SSH1: variants seen among roughly 807,000 people sequenced by gnomAD.
The protein encoded by SSH1 is slingshot protein phosphatase 1.
Under a neutral mutation model 79.7 loss-of-function variants are expected in SSH1, and 43 were observed. The observed-to-expected ratio is 0.54, with a 90% confidence interval of 0.42 to 0.70. The LOEUF (loss-of-function observed/expected upper bound fraction) is 0.70, where lower values mean the gene tolerates loss of function less well. SSH1 is among the 30% of genes least tolerant of loss of function. The pLI, the probability that SSH1 is intolerant of heterozygous loss-of-function variation, is 0.00. For synonymous variants in SSH1, 599 were observed against 538.3 expected (o/e 1.11, Z -1.56); for missense variants, 1,206 against 1,358.8 (o/e 0.89, Z 1.77).
intron 9 of SSH1, among the ~76,000 whole-genome samples, chr12:108,806,062 G>T (rs978232076): frequency 6.6e-6 from 1 of 152,086 alleles, no homozygotes; most frequent in African/African-American, 2.4e-5. Context: ...GCTCACAAAG[G>T]TCAAGAAATT....
chr12:108,853,458 T>A (rs541700752), intron 1 of SSH1: 8 of 578,126 alleles, frequency 1.4e-5, no homozygotes, highest in African/African-American at 2.0e-5. Context: ...GAGGCGCCCA[T>A]TGAATGGGAA....
At position 108,805,048 on chromosome 12, in the gene SSH1, C is replaced by A. The variant is rs1188421058; in HGVS notation, c.954+8G>T. The A allele has an allele frequency of 1.2e-6, 2 of 1,614,088 alleles. No homozygotes were observed. The highest frequency in any genetic ancestry group is 1.1e-5 in the South Asian group (1 of 91,078). On this transcript the variant is annotated splice_region_variant and intron_variant, in intron 10 of 14. Coordinates refer to ENST00000326495, the MANE Select transcript of SSH1 (RefSeq NM_018984.4). Reference sequence around the variant, plus strand: ...CAAACCAGATACTGCCAGGGCCATGCCTCTTACGAGATAAAGATGATCGAA... The same window carrying A: ...CAAACCAGATACTGCCAGGGCCATGACTCTTACGAGATAAAGATGATCGAA...
At chr12:108,815,043 G>A (rs1306072333) in intron 5 of SSH1, among the ~76,000 whole-genome samples, 3 of 152,236 alleles carry the variant, frequency 2.0e-5, no homozygotes, top group African/African-American at 7.2e-5. Flanking sequence ...CCCGGCACAG[G>A]GAAAGAGCTA....
chr12:108,796,242 T>C (rs1361765200), intron 13 of SSH1, among the ~76,000 whole-genome samples: 2 of 152,130 alleles, frequency 1.3e-5, no homozygotes, highest in Non-Finnish European at 2.9e-5. Flanking sequence ...TAAGTGTACA[T>C]TAAATACATT....
At chr12:108,811,046 A>G (rs1383356889) in intron 6 of SSH1, among the ~76,000 whole-genome samples, 1 of 152,074 alleles carries the variant, frequency 6.6e-6, no homozygotes, top group African/African-American at 2.4e-5. Flanking sequence ...AATCACTCCC[A>G]CTGATACTTC....
At chr12:108,814,949 C>G (rs1028053054) in intron 5 of SSH1, among the ~76,000 whole-genome samples, 2 of 152,210 alleles carry the variant, frequency 1.3e-5, no homozygotes, top group Non-Finnish European at 2.9e-5. Flanking sequence ...TAAGGCATGC[C>G]CGTGACTGCT....
intron 14 of SSH1, among the ~76,000 whole-genome samples, chr12:108,789,546 C>T (rs1204906799): frequency 2.6e-5 from 4 of 152,094 alleles, no homozygotes; most frequent in Non-Finnish European, 5.9e-5. Flanking sequence ...CCTCTGTGTC[C>T]CCACCCTTCA....
intron 13 of SSH1, among the ~76,000 whole-genome samples, chr12:108,796,122 G>A (rs1040162627): frequency 1.3e-5 from 2 of 152,086 alleles, no homozygotes; most frequent in African/African-American, 4.8e-5. Context: ...AACCTTGTTG[G>A]CCAGACTGGT....
intron 2 of SSH1, among the ~76,000 whole-genome samples, chr12:108,825,212 T>C (rs1276016195): frequency 6.6e-6 from 1 of 152,186 alleles, no homozygotes; most frequent in Non-Finnish European, 1.5e-5. Context: ...AGTCTTCTAA[T>C]TAAAGAGAAC....
chr12:108,804,652 C>A (rs973624086), intron 10 of SSH1, among the ~76,000 whole-genome samples: 2 of 152,202 alleles, frequency 1.3e-5, no homozygotes, highest in Non-Finnish European at 2.9e-5. Context: ...GATGCCTAGG[C>A]ATAATTCTGG....
chr12:108,826,654 G>A (rs2038321207), intron 2 of SSH1, among the ~76,000 whole-genome samples: 1 of 152,136 alleles, frequency 6.6e-6, no homozygotes. Context: ...CTCACTCTGG[G>A]CCCAGAGCCT....
rs538062883 is a variant in SSH1, at chr12:108,784,808, G to A, written c.*3180C>T. On this transcript the variant is annotated 3_prime_UTR_variant, in exon 15 of 15. Coordinates refer to ENST00000326495, the MANE Select transcript of SSH1 (RefSeq NM_018984.4). ...GTGAGGCAGAAGATAAGATTCAGCT[G>A]TTTTTTATAAAGAGTATCAAGCTGA... The A allele has an allele frequency of 6.6e-6, 1 of 152,312 alleles. No individual in the cohort carries two copies. The highest frequency in any genetic ancestry group is 2.1e-4 in the South Asian group (1 of 4,826). 9.4% of individuals were successfully genotyped at this position (152,312 alleles called of 1,614,324 possible). A position where few individuals can be genotyped will look rare whatever the true frequency, so the allele number is the denominator to read the frequency against.
chr12:108,857,420 G>A lies in SSH1; in HGVS notation c.69+8C>T, dbSNP rs2039167451. Reference sequence around the variant, plus strand: ...GCCCAGGCCGGGCGCGGCGAGCCCGGGGCTCACCTCGCTGTTGCTGGCCGA... The same window carrying A: ...GCCCAGGCCGGGCGCGGCGAGCCCGAGGCTCACCTCGCTGTTGCTGGCCGA... On this transcript the variant is annotated splice_region_variant and intron_variant, in intron 1 of 14. Transcript: ENST00000326495. The surrounding 1 kb of genome is among the most constrained non-coding windows in gnomAD (Gnocchi z 4.7). The A allele has an allele frequency of 5.5e-6, 6 of 1,083,012 alleles. No homozygotes were observed. The South Asian group carries it at 1.2e-4, about 21-fold the overall frequency. The allele number at this position is 1,083,012 out of a possible 1,614,324, so 67.1% of individuals were successfully genotyped here.
chr12:108,851,777 T>C (rs1159765180), intron 2 of SSH1, among the ~76,000 whole-genome samples: 1 of 152,140 alleles, frequency 6.6e-6, no homozygotes, highest in Non-Finnish European at 1.5e-5. Flanking sequence ...GGGGGTTGAG[T>C]ATCTGTTTCA....
chr12:108,800,378 T>C (rs1023866409), intron 12 of SSH1, among the ~76,000 whole-genome samples: 1 of 152,154 alleles, frequency 6.6e-6, no homozygotes, highest in African/African-American at 2.4e-5. Flanking sequence ...TAAGCCCGTG[T>C]CCGTGCATGT....
Position 108,792,659 on chromosome 12 carries a change from A to AGG in SSH1, c.1518_1519dup (p.Leu507ProfsTer63). 1 of 1,611,358 alleles carries AGG rather than the reference A, an allele frequency of 6.2e-7. No individual in the cohort carries two copies. The highest frequency in any genetic ancestry group is 2.2e-5 in the East Asian group (1 of 44,856). ...TGAGAGTCGCCGGAAACAGCAGGGG[A>AGG]GGGGGGGCCCTAAGCCGGGCTGGGC... On this transcript the variant is annotated frameshift_variant, in exon 14 of 15. Transcript: ENST00000326495. LOFTEE classifies it high-confidence loss of function.
chr12:108,793,937 G>C (rs1017349724), intron 13 of SSH1, among the ~76,000 whole-genome samples: 1 of 152,192 alleles, frequency 6.6e-6, no homozygotes, highest in South Asian at 2.1e-4. Flanking sequence ...GGCCTGGAGC[G>C]CCTGGCTTAG....
chr12:108,798,779 C>T (rs2036858812), intron 13 of SSH1, among the ~76,000 whole-genome samples: 1 of 152,222 alleles, frequency 6.6e-6, no homozygotes, highest in Admixed American at 6.5e-5. Flanking sequence ...ATGTGTGTGC[C>T]AAGAAAATCA....
rs1269210434 is a variant in SSH1, at chr12:108,782,556, T to C, written c.*5432A>G. 1.3e-5 allele frequency: 2 copies of C among 152,126 alleles called. No homozygotes were observed. Among genetic ancestry groups the C allele is most frequent in the East Asian group, 3.8e-4 (2 of 5,196 alleles). The allele number at this position is 152,126 out of a possible 1,614,324, so 9.4% of individuals were successfully genotyped here. ...TTTCTTTGGTGTAACTTGTCCAGGT[T>C]TTCTAGCAAAGAACTGAGCATGTAA... On this transcript the variant is annotated 3_prime_UTR_variant, in exon 15 of 15. Coordinates refer to ENST00000326495, the MANE Select transcript of SSH1 (RefSeq NM_018984.4).
Sources: allele counts gnomAD v4.1 joint callset (sites outside exome capture counted in the v4.1 genomes callset), GRCh38; gene constraint gnomAD v4.1.1; non-coding constraint Gnocchi (gnomAD v3.1); transcripts MANE v1.5; gene names NCBI Gene and HGNC (gene_info 2026-07-23, HGNC 2026-07-21).